HIP1: variants seen among roughly 807,000 people sequenced by gnomAD.
The protein encoded by HIP1 is huntingtin interacting protein 1.
HIP1 carries 65 observed loss-of-function variants against 147.6 expected under a neutral mutation model. That is an observed-to-expected ratio of 0.44 (90% CI 0.36 to 0.54). The LOEUF (loss-of-function observed/expected upper bound fraction) is 0.54. Among genes scored for constraint, HIP1 ranks in the 20% least tolerant of loss-of-function variants. HIP1 has a pLI of 0.00. For synonymous variants in HIP1, 479 were observed against 504.0 expected (o/e 0.95, Z 0.67); for missense variants, 1,061 against 1,299.6 (o/e 0.82, Z 2.82).
intron 1 of HIP1, among the ~76,000 whole-genome samples, chr7:75,622,822 A>C (rs1554507359): frequency 6.6e-6 from 1 of 151,956 alleles, no homozygotes; most frequent in African/African-American, 2.4e-5. Flanking sequence ...CAGCCTGGGC[A>C]ACAGAGCAAG....
At chr7:75,674,163 T>A (rs903545450) in intron 1 of HIP1, among the ~76,000 whole-genome samples, 5 of 152,194 alleles carry the variant, frequency 3.3e-5, no homozygotes, top group Admixed American at 3.3e-4. Context: ...TTCCAATATG[T>A]GTGCCTTTTA....
At chr7:75,601,493 G>A (rs1796970974) in intron 1 of HIP1, among the ~76,000 whole-genome samples, 2 of 152,034 alleles carry the variant, frequency 1.3e-5, no homozygotes, top group South Asian at 4.1e-4. Flanking sequence ...CTACTCGGGA[G>A]GCTGAGGCAG....
At chr7:75,671,113 G>T (rs1195761422) in intron 1 of HIP1, among the ~76,000 whole-genome samples, 1 of 152,020 alleles carries the variant, frequency 6.6e-6, no homozygotes, top group Admixed American at 6.6e-5. Context: ...GTTATTTTTA[G>T]ATGGAGTTTC....
chr7:75,676,087 C>T (rs556530738), intron 1 of HIP1, among the ~76,000 whole-genome samples: 258 of 152,226 alleles, frequency 1.7e-3, no homozygotes, highest in Non-Finnish European at 2.9e-3. Flanking sequence ...ATTCTGCTCC[C>T]CCCTCTGTAG....
At chr7:75,577,467 T>G (rs1795887702) in intron 7 of HIP1, among the ~76,000 whole-genome samples, 1 of 152,186 alleles carries the variant, frequency 6.6e-6, no homozygotes, top group South Asian at 2.1e-4. Flanking sequence ...TAGAGTCTTC[T>G]GGACCAGAGC....
intron 1 of HIP1, among the ~76,000 whole-genome samples, chr7:75,706,470 C>A (rs187833742): frequency 0.02 from 1,558 of 77,536 alleles, 40 homozygotes; most frequent in African/African-American, 0.11. Context: ...TTGTATATAT[C>A]TTCTTTTTTT....
At chr7:75,693,525 C>A (rs371006597) in intron 1 of HIP1, among the ~76,000 whole-genome samples, 3 of 152,088 alleles carry the variant, frequency 2.0e-5, no homozygotes, top group East Asian at 3.8e-4. Flanking sequence ...CTGAAAATGA[C>A]TTTGCTCTGT....
intron 30 of HIP1, among the ~76,000 whole-genome samples, chr7:75,539,040 A>G (rs1563186054): frequency 6.6e-6 from 1 of 152,182 alleles, no homozygotes. Flanking sequence ...GGAGTTGGCA[A>G]GGCTAGCTGG....
At chr7:75,688,997 G>A (rs74657748) in intron 1 of HIP1, among the ~76,000 whole-genome samples, 2 of 152,096 alleles carry the variant, frequency 1.3e-5, no homozygotes, top group African/African-American at 4.8e-5. Flanking sequence ...TCACCATGAT[G>A]TGAAAGCAAA....
chr7:75,664,451 CAT>C (rs1274879196), intron 1 of HIP1, among the ~76,000 whole-genome samples: 17 of 98,260 alleles, frequency 1.7e-4, no homozygotes, highest in Non-Finnish European at 3.4e-4. Context: ...CATATATACA[CAT>C]ACATATGTGT....
intron 1 of HIP1, among the ~76,000 whole-genome samples, chr7:75,658,730 C>T (rs1419019969): frequency 2.6e-5 from 4 of 151,666 alleles, no homozygotes; most frequent in Non-Finnish European, 4.4e-5. Flanking sequence ...AGCCTGGCAA[C>T]GCGGCAAAAC....
At chr7:75,592,624 G>A (rs1281057342) in intron 2 of HIP1, 110 bp from the exon 3 acceptor site, 3 of 1,158,124 alleles carry the variant, frequency 2.6e-6, no homozygotes, top group African/African-American at 3.1e-5. Context: ...CCATCACAGG[G>A]GATAGAGGCT....
chr7:75,646,276 G>A (rs1318698767), intron 1 of HIP1, among the ~76,000 whole-genome samples: 2 of 152,128 alleles, frequency 1.3e-5, no homozygotes, highest in East Asian at 1.9e-4. Flanking sequence ...TAGTAGAGAC[G>A]GGGTTTCACC....
At chr7:75,608,377 C>T (rs587655639) in intron 1 of HIP1, among the ~76,000 whole-genome samples, 2 of 152,220 alleles carry the variant, frequency 1.3e-5, no homozygotes, top group African/African-American at 2.4e-5. Context: ...GATTTTGATA[C>T]GGTTGATGAA....
At chr7:75,721,778 C>T (rs1225089744) in intron 1 of HIP1, among the ~76,000 whole-genome samples, 1 of 152,168 alleles carries the variant, frequency 6.6e-6, no homozygotes, top group Non-Finnish European at 1.5e-5. Context: ...TCTGGGGGGG[C>T]AAAGGCCCAT....
chr7:75,543,553 A>G (rs1480120006), intron 27 of HIP1, among the ~76,000 whole-genome samples: 1 of 152,000 alleles, frequency 6.6e-6, no homozygotes, highest in Non-Finnish European at 1.5e-5. Context: ...GGATTTCACC[A>G]TGTTGGCCAG....
intron 2 of HIP1, 50 bp from the exon 3 acceptor site, chr7:75,592,564 G>T (rs1554501049): frequency 6.3e-7 from 1 of 1,576,474 alleles, no homozygotes. Context: ...AGTCACTGCA[G>T]GGGACTGAGC....
At chr7:75,629,788 C>T (rs981607584) in intron 1 of HIP1, among the ~76,000 whole-genome samples, 7 of 152,102 alleles carry the variant, frequency 4.6e-5, no homozygotes, top group South Asian at 2.1e-4. Flanking sequence ...GTGATCCTCC[C>T]GCCTCGGCCT....
In HIP1 at chr7:75,586,580, G is replaced by A. The variant is rs117163767; in HGVS notation, c.465+173C>T. On this transcript the variant is annotated intron_variant, in intron 5 of 30. Transcript: ENST00000336926. ...AAAATCCCAGCCTTCGTCACACCCC[G>A]TGGGCCTGGCGGTGGCTTTCCTCTC... is the stretch of plus-strand genomic sequence containing the variant. 8.7e-4 allele frequency among the ~76,000 whole-genome samples: 132 copies of A among 152,274 alleles called. No individual in the cohort carries two copies. In the East Asian group the frequency reaches 0.021, roughly 24 times the overall value.
Sources: allele counts gnomAD v4.1 joint callset (sites outside exome capture counted in the v4.1 genomes callset), GRCh38; gene constraint gnomAD v4.1.1; transcripts MANE v1.5; gene names NCBI Gene and HGNC (gene_info 2026-07-23, HGNC 2026-07-21).